Variants in ASAP1 observed in about 807,000 individuals in gnomAD.
ASAP1 encodes ArfGAP with SH3 domain, ankyrin repeat and PH domain 1.
Under a neutral mutation model 145.2 loss-of-function variants are expected in ASAP1, and 43 were observed. The observed-to-expected ratio is 0.30, with a 90% confidence interval of 0.23 to 0.38. The LOEUF is 0.38. Ranked by LOEUF, ASAP1 falls within the 10% of genes least tolerant of loss-of-function variation. ASAP1 has a pLI of 1.00. For synonymous variants in ASAP1, 546 were observed against 515.5 expected (o/e 1.06, Z -0.80); for missense variants, 1,018 against 1,355.3 (o/e 0.75, Z 3.91).
At chr8:130,408,231 G>A (rs1175007862) in intron 1 of ASAP1, among the ~76,000 whole-genome samples, 2 of 152,166 alleles carry the variant, frequency 1.3e-5, no homozygotes, top group African/African-American at 4.8e-5. Context: ...CCAGATAGCT[G>A]GTAAAACAGC....
At chr8:130,402,039 A>G in intron 1 of ASAP1, 69 bp from the exon 2 acceptor site, 2 of 1,062,768 alleles carry the variant, frequency 1.9e-6, no homozygotes, top group Non-Finnish European at 2.8e-6. Flanking sequence ...ACATTGTCTC[A>G]GACCAAGATC....
At chr8:130,104,610 G>T (rs181527340) in intron 24 of ASAP1, among the ~76,000 whole-genome samples, 1 of 152,346 alleles carries the variant, frequency 6.6e-6, no homozygotes, top group East Asian at 1.9e-4. Context: ...TGGCAAAACT[G>T]CTGGCAAGTA....
At chr8:130,222,980 C>A (rs184529146) in intron 4 of ASAP1, among the ~76,000 whole-genome samples, 1 of 152,154 alleles carries the variant, frequency 6.6e-6, no homozygotes, top group Non-Finnish European at 1.5e-5. Context: ...CCAGACTCTA[C>A]CATGTCAGGA....
rs370580190 is a variant in ASAP1 at position 130,188,723 on chromosome 8, C to CAAAAAAAA, written c.406-548_406-541dup. ...TTCCAGCCTGAGTGAGAGACTCTCTCAAAAAAAAAAAAAAAAAAAAAAGAA... is the reference window on the plus strand; with the variant it reads ...TTCCAGCCTGAGTGAGAGACTCTCTCAAAAAAAAAAAAAAAAAAAAAAAAAAAAAAGAA... On this transcript the variant is annotated intron_variant, in intron 5 of 29. Coordinates refer to ENST00000518721, the MANE Select transcript of ASAP1 (RefSeq NM_018482.4). Among the ~76,000 whole-genome samples the CAAAAAAAA allele has an allele frequency of 7.0e-3, 588 of 83,766 alleles. 15 individuals carry two copies. Among genetic ancestry groups the CAAAAAAAA allele is most frequent in the Middle Eastern group, 0.023 (3 of 130 alleles). 55.0% of individuals were successfully genotyped at this position (83,766 alleles called of 152,430 possible). A position where few individuals can be genotyped will look rare whatever the true frequency, so the allele number is the denominator to read the frequency against.
At chr8:130,097,296 T>TCTGTGGCTTCTCTCCTCACCTGCC (rs1156560805) in intron 24 of ASAP1, among the ~76,000 whole-genome samples, 1 of 152,074 alleles carries the variant, frequency 6.6e-6, no homozygotes, top group East Asian at 1.9e-4. Flanking sequence ...GGCACTCTGC[T>TCTGTGGCTTCTCTCCTCACCTGCC]CTGTGGCTTC....
intron 24 of ASAP1, among the ~76,000 whole-genome samples, chr8:130,097,124 TC>T: frequency 7.5e-5 from 3 of 40,010 alleles, no homozygotes; most frequent in Admixed American, 5.2e-4. Context: ...ACAGTTAGTC[TC>T]CAAAAAAAAA....
intron 3 of ASAP1, among the ~76,000 whole-genome samples, chr8:130,329,699 G>A (rs1450737327): frequency 6.6e-6 from 1 of 152,148 alleles, no homozygotes; most frequent in African/African-American, 2.4e-5. Context: ...AAAACAAAGA[G>A]CTCTGAAATA....
chr8:130,128,704 G>C (rs926385116), intron 15 of ASAP1, among the ~76,000 whole-genome samples: 1 of 152,118 alleles, frequency 6.6e-6, no homozygotes, highest in Non-Finnish European at 1.5e-5. Context: ...TATGACTACT[G>C]TATGTCCCAA....
At chr8:130,123,937 AAAAG>A (rs1479360402) in intron 18 of ASAP1, 72 bp downstream of exon 18, 12 of 1,217,562 alleles carry the variant, frequency 9.9e-6, no homozygotes, top group African/African-American at 7.7e-5. Flanking sequence ...CAAAAAAAAA[AAAAG>A]AAGTTTTTTG....
At chr8:130,182,496 C>T (rs1814424188) in intron 7 of ASAP1, among the ~76,000 whole-genome samples, 1 of 152,184 alleles carries the variant, frequency 6.6e-6, no homozygotes, top group South Asian at 2.1e-4. Flanking sequence ...AAACCTCAGA[C>T]ACTGACATTT....
chr8:130,425,149 T>C (rs1829868739), intron 1 of ASAP1, among the ~76,000 whole-genome samples: 1 of 151,870 alleles, frequency 6.6e-6, no homozygotes. Context: ...CTGGCCAACA[T>C]GGCCAAATCC....
intron 3 of ASAP1, among the ~76,000 whole-genome samples, chr8:130,300,248 G>A (rs922719145): frequency 6.6e-6 from 1 of 151,140 alleles, no homozygotes; most frequent in East Asian, 1.9e-4. Context: ...CAGTGATCAG[G>A]CCATGAGAAT....
Position 130,188,955 on chromosome 8 carries a change from CA to C in ASAP1, c.406-773del, listed in dbSNP as rs748735172. Among the ~76,000 whole-genome samples the C allele has an allele frequency of 1.3e-3, 199 of 152,152 alleles. 2 individuals are homozygous for C. Among genetic ancestry groups the C allele is most frequent in the African/African-American group, 3.5e-3 (146 of 41,526 alleles). On this transcript the variant is annotated intron_variant, in intron 5 of 29. Coordinates refer to ENST00000518721, the MANE Select transcript of ASAP1 (RefSeq NM_018482.4). ...GAGGGCTTTTCTCATTTCCTTTTCACATTTTTTTATAGCATGTATCATTATC... is the reference window on the plus strand; with the variant it reads ...GAGGGCTTTTCTCATTTCCTTTTCACTTTTTTTATAGCATGTATCATTATC...
chr8:130,180,877 T>C lies in ASAP1; in HGVS notation c.534A>G (p.Thr178=), dbSNP rs781314146. 4.4e-6 allele frequency: 7 copies of C among 1,606,308 alleles called. No homozygotes were observed. The highest frequency in any genetic ancestry group is 5.9e-6 in the Non-Finnish European group (7 of 1,178,302). ...KAWKDYETKF[T]KIEKEKREHA... ...GCTCTCTTTTCTCTTTCTCAATTTT[T>C]GTACTGTAATTAAAGCCAATGTCAT... Residue 178 remains threonine (T), a synonymous_variant, in exon 8 of 30, where the codon ACA becomes ACG. Coordinates refer to ENST00000518721, the MANE Select transcript of ASAP1 (RefSeq NM_018482.4).
chr8:130,128,060 T>C lies in ASAP1; in HGVS notation c.1248A>G (p.Glu416=). 1 of 1,608,910 alleles carries C rather than the reference T, an allele frequency of 6.2e-7. No individual in the cohort carries two copies. The highest frequency in any genetic ancestry group is 1.7e-5 in the Admixed American group (1 of 59,100). Residue 416 remains glutamate, a synonymous_variant, in exon 16 of 30, where the codon GAA becomes GAG. Coordinates refer to ENST00000518721, the MANE Select transcript of ASAP1 (RefSeq NM_018482.4). ...CACGGAAGGCCATGGTTAGGGCCTCTTCTTTGCTATTTGTCAATACTGATA... is the reference window on the plus strand; with the variant it reads ...CACGGAAGGCCATGGTTAGGGCCTCCTCTTTGCTATTTGTCAATACTGATA... ...AWISVLTNSK[E]EALTMAFRGE...
chr8:130,144,865 G>A (rs905435923), intron 13 of ASAP1, among the ~76,000 whole-genome samples: 4 of 152,118 alleles, frequency 2.6e-5, no homozygotes, highest in Non-Finnish European at 4.4e-5. Context: ...ATTTCCAGTT[G>A]GCAGAATGTA....
At chr8:130,113,477 T>C (rs1371985577) in intron 23 of ASAP1, among the ~76,000 whole-genome samples, 1 of 152,240 alleles carries the variant, frequency 6.6e-6, no homozygotes, top group East Asian at 1.9e-4. Flanking sequence ...CATACTCTTA[T>C]AATGATTATC....
In ASAP1 at chr8:130,417,482, C is replaced by T. The variant is rs558941210; in HGVS notation, c.-27-15512G>A. Reference sequence around the variant, plus strand: ...TTGGCTCGCTCTGACACAAGTGATACGGGCGGAAAGAGCAGTCCCTTCTCA... The same window carrying T: ...TTGGCTCGCTCTGACACAAGTGATATGGGCGGAAAGAGCAGTCCCTTCTCA... On this transcript the variant is annotated intron_variant, in intron 1 of 29. Transcript: ENST00000518721. Among the ~76,000 whole-genome samples, 41 of 152,262 alleles carry T rather than the reference C, an allele frequency of 2.7e-4. 1 individual carries two copies. Among genetic ancestry groups the T allele is most frequent in the African/African-American group, 9.1e-4 (38 of 41,542 alleles).
At chr8:130,256,739 T>TTA (rs58245112) in intron 3 of ASAP1, among the ~76,000 whole-genome samples, 2,759 of 95,116 alleles carry the variant, frequency 0.029, 60 homozygotes, top group African/African-American at 0.049. Flanking sequence ...ATACACATTC[T>TTA]TATATATATA....
Sources: gnomAD v4.1 joint callset for allele counts (sites outside exome capture counted in the v4.1 genomes callset) on GRCh38, gnomAD v4.1.1 for gene constraint, MANE v1.5 for transcripts, NCBI Gene and HGNC (gene_info 2026-07-23, HGNC 2026-07-21) for gene names.